The following DHX35 variants were observed in gnomAD, a reference collection of about 807,000 sequenced individuals.
The protein encoded by DHX35 is probable ATP-dependent RNA helicase DHX35.
DHX35 carries 84 observed loss-of-function variants against 99.6 expected under a neutral mutation model. That is an observed-to-expected ratio of 0.84 (90% confidence interval 0.71 to 1.01). The LOEUF (loss-of-function observed/expected upper bound fraction) is 1.01, where lower values mean the gene tolerates loss of function less well. DHX35 is among the 50% of genes least tolerant of loss of function. DHX35 has a pLI of 0.00. For missense variants in DHX35, 852 were observed against 888.5 expected (o/e 0.96, Z 0.52); for synonymous variants, 331 against 316.2 (o/e 1.05, Z -0.50).
At chr20:39,030,390 G>A (rs748761693) in intron 19 of DHX35, 24 of 320,282 alleles carry the variant, frequency 7.5e-5, no homozygotes, top group Non-Finnish European at 1.4e-4. Flanking sequence ...CCATTCCAAA[G>A]GAAATTGTTT....
At chr20:38,962,480 G>A in intron 1 of DHX35, 73 bp downstream of exon 1, 2 of 1,558,642 alleles carry the variant, frequency 1.3e-6, no homozygotes, top group Admixed American at 1.9e-5. Context: ...CCGGCGCCCT[G>A]GGGCCAGCAG....
At chr20:39,015,625 G>A (rs1031431666) in intron 14 of DHX35, among the ~76,000 whole-genome samples, 2 of 151,982 alleles carry the variant, frequency 1.3e-5, no homozygotes, top group Non-Finnish European at 2.9e-5. Flanking sequence ...AAGTTTTAGT[G>A]GAGATTTTGC....
intron 15 of DHX35, 34 bp downstream of exon 15, chr20:39,018,933 T>C: frequency 6.2e-7 from 1 of 1,607,806 alleles, no homozygotes; most frequent in East Asian, 2.2e-5. Context: ...ATTGATTTTA[T>C]TTTGACTGTC....
intron 14 of DHX35, among the ~76,000 whole-genome samples, chr20:39,015,297 T>C (rs539651991): frequency 1.6e-4 from 24 of 152,288 alleles, no homozygotes; most frequent in African/African-American, 5.8e-4. Context: ...AAATCGTGGC[T>C]CAGTATTCTC....
chr20:38,966,407 T>C (rs534733495), intron 1 of DHX35, among the ~76,000 whole-genome samples: 13 of 152,316 alleles, frequency 8.5e-5, no homozygotes, highest in African/African-American at 3.1e-4. Context: ...TGGTGGCTCA[T>C]GCCTATAATC....
intron 5 of DHX35, among the ~76,000 whole-genome samples, chr20:38,990,457 T>G (rs1470806109): frequency 6.6e-6 from 1 of 152,246 alleles, no homozygotes; most frequent in Admixed American, 6.5e-5. Flanking sequence ...CTGACTTTTC[T>G]TAAACACTAC....
chr20:38,999,029 C>T (rs78505019), intron 8 of DHX35, among the ~76,000 whole-genome samples: 3,394 of 152,242 alleles, frequency 0.022, 131 homozygotes, highest in African/African-American at 0.078. Context: ...GAACTCCTGA[C>T]CTCAGGCCAT....
intron 21 of DHX35, 25 bp from the exon 22 acceptor site, chr20:39,038,474 T>C: frequency 6.2e-7 from 1 of 1,613,562 alleles, no homozygotes; most frequent in Non-Finnish European, 8.5e-7. Context: ...CAACCCCAAC[T>C]GTAGTGTCTT....
chr20:39,010,466 G>A (rs961483392), intron 13 of DHX35, 62 bp downstream of exon 13: 1 of 1,598,974 alleles, frequency 6.3e-7, no homozygotes, highest in Non-Finnish European at 8.5e-7. Context: ...GGGATGTCAG[G>A]ACATTGTCGT....
chr20:38,984,173 A>G (rs943546727), intron 4 of DHX35, among the ~76,000 whole-genome samples: 2 of 152,002 alleles, frequency 1.3e-5, no homozygotes, highest in South Asian at 2.1e-4. Context: ...GCCTCCCAAA[A>G]TGCTGGGATT....
intron 4 of DHX35, 65 bp from the exon 5 acceptor site, chr20:38,988,748 C>T: frequency 6.3e-7 from 1 of 1,592,766 alleles, no homozygotes. Flanking sequence ...TTAGATTTTC[C>T]ATAGTATGTG....
chr20:39,009,410 T>G (rs186287707), intron 12 of DHX35, among the ~76,000 whole-genome samples: 1 of 145,892 alleles, frequency 6.9e-6, no homozygotes, highest in Non-Finnish European at 1.5e-5. Context: ...TTCATGGCAC[T>G]TTTTTTTTTT....
At chr20:38,970,723 T>G (rs910656664) in intron 2 of DHX35, among the ~76,000 whole-genome samples, 4 of 152,114 alleles carry the variant, frequency 2.6e-5, no homozygotes, top group African/African-American at 4.8e-5. Context: ...ATACCTGACA[T>G]GTAGTAAATG....
intron 6 of DHX35, 47 bp from the exon 7 acceptor site, chr20:38,992,309 G>A (rs1281169842): frequency 5.9e-6 from 9 of 1,529,548 alleles, no homozygotes; most frequent in African/African-American, 2.7e-5. Context: ...ATGAGATGAT[G>A]TGTGGCTTTT....
At chr20:38,993,942 G>T (rs994778186) in intron 7 of DHX35, among the ~76,000 whole-genome samples, 24 of 152,262 alleles carry the variant, frequency 1.6e-4, no homozygotes, top group African/African-American at 5.8e-4. Flanking sequence ...TGTTCCCTCT[G>T]GGAGGATGTC....
chr20:39,036,557 C>T (rs1042822191), intron 21 of DHX35, among the ~76,000 whole-genome samples: 2 of 151,638 alleles, frequency 1.3e-5, no homozygotes, highest in South Asian at 2.1e-4. Flanking sequence ...GAAACCCCGT[C>T]TCTACTAAAA....
chr20:39,025,307 A>G lies in DHX35; in HGVS notation c.1749A>G (p.Glu583=), dbSNP rs776838857. 6.2e-7 allele frequency: 1 copy of G among 1,613,862 alleles called. No homozygotes were observed. The highest frequency in any genetic ancestry group is 1.1e-5 in the South Asian group (1 of 90,990). Residue 583 remains glutamate (E), a synonymous_variant, in exon 18 of 22, where the codon GAA becomes GAG. Transcript: ENST00000252011. ...KGLVRAATVR[E]QLKKLLVKFQ... Reference sequence around the variant, plus strand: ...TTGTCAGAGCTGCGACTGTAAGAGAACAATTGAAAAAGCTTCTTGTCAAGT... The same window carrying G: ...TTGTCAGAGCTGCGACTGTAAGAGAGCAATTGAAAAAGCTTCTTGTCAAGT...
At chr20:38,984,249 T>A (rs1191987406) in intron 4 of DHX35, among the ~76,000 whole-genome samples, 1 of 152,218 alleles carries the variant, frequency 6.6e-6, no homozygotes, top group Admixed American at 6.5e-5. Context: ...TGAATATTTT[T>A]GTTAAATTGA....
intron 3 of DHX35, chr20:38,978,088 C>T: frequency 1.3e-6 from 1 of 761,778 alleles, no homozygotes; most frequent in Non-Finnish European, 2.4e-6. Context: ...GTGCTGTCCA[C>T]TAATATGCAC....
Sources: gnomAD v4.1 joint callset for allele counts (sites outside exome capture counted in the v4.1 genomes callset) on GRCh38, gnomAD v4.1.1 for gene constraint, MANE v1.5 for transcripts, NCBI Gene and HGNC (gene_info 2026-07-23, HGNC 2026-07-21) for gene names.